MTUS2: variants seen among roughly 807,000 people sequenced by gnomAD.
The protein encoded by MTUS2 is microtubule associated scaffold protein 2, also known as microtubule-associated tumor suppressor candidate 2.
In MTUS2, 40 loss-of-function variants were observed where a neutral mutation model predicts 114.1. The observed-to-expected ratio is 0.35, with a 90% confidence interval of 0.27 to 0.46. The LOEUF (loss-of-function observed/expected upper bound fraction) is 0.46. Among genes scored for constraint, MTUS2 ranks in the 20% least tolerant of loss-of-function variants. MTUS2 has a pLI of 1.00. For synonymous variants in MTUS2, 688 were observed against 672.0 expected (o/e 1.02, Z -0.37); for missense variants, 1,679 against 1,705.4 (o/e 0.98, Z 0.27).
chr13:29,109,389 A>G (rs868062069), intron 5 of MTUS2, among the ~76,000 whole-genome samples: 1 of 152,176 alleles, frequency 6.6e-6, no homozygotes, highest in South Asian at 2.1e-4. Flanking sequence ...ATTAATAATC[A>G]ACCCCATGCT....
chr13:29,504,023 C>G lies in MTUS2; in HGVS notation c.*817C>G, dbSNP rs1423221546. On this transcript the variant is annotated 3_prime_UTR_variant, in exon 16 of 16. Coordinates refer to ENST00000612955, the MANE Select transcript of MTUS2 (RefSeq NM_001033602.4). ...CTCATCTCTGATAGTCTTGTAAACA[C>G]AAGTTTTGCTTTTTTCCTAAATGGC... 1 of 231,948 alleles carries G rather than the reference C, an allele frequency of 4.3e-6. No individual in the cohort carries two copies. The highest frequency in any genetic ancestry group is 2.2e-5 in the African/African-American group (1 of 45,236). The allele number at this position is 231,948 out of a possible 1,614,324, so 14.4% of individuals were successfully genotyped here. A position where few individuals can be genotyped will look rare whatever the true frequency, so the allele number is the denominator to read the frequency against.
chr13:28,855,506 T>C (rs1383434647), intron 2 of MTUS2, among the ~76,000 whole-genome samples: 1 of 152,146 alleles, frequency 6.6e-6, no homozygotes, highest in Non-Finnish European at 1.5e-5. Context: ...CTCCCACTTA[T>C]AAGTGAGAAC....
At chr13:28,854,033 G>A (rs1249922177) in intron 2 of MTUS2, among the ~76,000 whole-genome samples, 1 of 152,150 alleles carries the variant, frequency 6.6e-6, no homozygotes, top group Non-Finnish European at 1.5e-5. Context: ...CTTACAGTTA[G>A]GGGTGTCCAC....
At chr13:29,147,121 TCATTCTAAGCCA>T (rs1367643661) in intron 5 of MTUS2, among the ~76,000 whole-genome samples, 1 of 152,204 alleles carries the variant, frequency 6.6e-6, no homozygotes, top group East Asian at 1.9e-4. Flanking sequence ...ATTACTCAGT[TCATTCTAAGCCA>T]CATTTTTTTT....
chr13:29,451,313 A>G (rs1945850494), intron 9 of MTUS2, among the ~76,000 whole-genome samples: 1 of 152,262 alleles, frequency 6.6e-6, no homozygotes, highest in Non-Finnish European at 1.5e-5. Flanking sequence ...ACATTTGGAA[A>G]TTAAACAACA....
intron 2 of MTUS2, among the ~76,000 whole-genome samples, chr13:28,901,760 A>G (rs1879658649): frequency 6.6e-6 from 1 of 152,160 alleles, no homozygotes; most frequent in Non-Finnish European, 1.5e-5. Context: ...TGATTACTGT[A>G]GCAATAAAGT....
chr13:29,210,422 C>T (rs1006613502), intron 5 of MTUS2, among the ~76,000 whole-genome samples: 21 of 152,014 alleles, frequency 1.4e-4, no homozygotes, highest in African/African-American at 5.1e-4. Flanking sequence ...AATTATTTTT[C>T]TGGCCATTCA....
intron 2 of MTUS2, among the ~76,000 whole-genome samples, chr13:29,018,782 C>T (rs1886171991): frequency 7.3e-6 from 1 of 136,640 alleles, no homozygotes; most frequent in Non-Finnish European, 1.6e-5. Flanking sequence ...CCGCCCCCGC[C>T]CCCTGCAAAA....
At chr13:29,061,638 A>C (rs138154084) in intron 4 of MTUS2, among the ~76,000 whole-genome samples, 627 of 152,262 alleles carry the variant, frequency 4.1e-3, no homozygotes, top group Non-Finnish European at 7.5e-3. Flanking sequence ...GACAGCTTCT[A>C]TTTGAGTTTC....
intron 2 of MTUS2, among the ~76,000 whole-genome samples, chr13:28,930,096 A>T (rs1881533869): frequency 6.6e-6 from 1 of 151,916 alleles, no homozygotes; most frequent in South Asian, 2.1e-4. Context: ...TTATGTGATA[A>T]CTTTTTCAAG....
chr13:29,456,246 T>C (rs1368903590), intron 9 of MTUS2, among the ~76,000 whole-genome samples: 1 of 152,024 alleles, frequency 6.6e-6, no homozygotes, highest in Non-Finnish European at 1.5e-5. Flanking sequence ...TTTAAGCAGA[T>C]TGGAGACTGC....
intron 5 of MTUS2, among the ~76,000 whole-genome samples, chr13:29,165,577 A>G (rs896188109): frequency 6.6e-6 from 1 of 152,214 alleles, no homozygotes; most frequent in Non-Finnish European, 1.5e-5. Flanking sequence ...TCCTTCTTTA[A>G]TGGCTAATTT....
chr13:29,035,848 G>T (rs1887035889), intron 4 of MTUS2, among the ~76,000 whole-genome samples: 1 of 151,938 alleles, frequency 6.6e-6, no homozygotes, highest in African/African-American at 2.4e-5. Context: ...CAAAGAAAAA[G>T]AAAAAGAAAA....
At chr13:29,104,715 A>G in intron 5 of MTUS2, among the ~76,000 whole-genome samples, 1 of 152,222 alleles carries the variant, frequency 6.6e-6, no homozygotes, top group East Asian at 1.9e-4. Flanking sequence ...CATGAAGATT[A>G]CAAGGTTGGC....
At chr13:29,060,954 C>T (rs918887191) in intron 4 of MTUS2, among the ~76,000 whole-genome samples, 1 of 151,954 alleles carries the variant, frequency 6.6e-6, no homozygotes, top group Non-Finnish European at 1.5e-5. Context: ...GTGCCCGCCA[C>T]CACGCCTGGC....
intron 5 of MTUS2, among the ~76,000 whole-genome samples, chr13:29,207,579 T>A (rs1018622278): frequency 6.6e-6 from 1 of 152,190 alleles, no homozygotes; most frequent in African/African-American, 2.4e-5. Flanking sequence ...ATGGCTTTTA[T>A]TAACTTAAAG....
chr13:29,084,787 C>CA (rs1317548349), intron 4 of MTUS2, among the ~76,000 whole-genome samples: 2 of 112,262 alleles, frequency 1.8e-5, no homozygotes, highest in African/African-American at 3.8e-5. Flanking sequence ...ATCCACCCCC[C>CA]CCCCTCACCG....
rs1566174201 is a variant in MTUS2 at position 29,389,765 on chromosome 13, G to GTGTA, written c.3117+30293_3117+30294insGTAT. Among the ~76,000 whole-genome samples the GTGTA allele has an allele frequency of 1.8e-3, 10 of 5,466 alleles. 1 individual carries two copies. The highest frequency in any genetic ancestry group is 4.5e-3 in the African/African-American group (10 of 2,230). The allele number at this position is 5,466 out of a possible 152,430, so 3.6% of individuals were successfully genotyped here. On this transcript the variant is annotated intron_variant, in intron 8 of 15. Transcript: ENST00000612955. ...TATATACATACATATGTGTGTATAT[G>GTGTA]TATATACATACATATGTGTGTATAT...
At chr13:29,422,572 T>C (rs942760233) in intron 8 of MTUS2, among the ~76,000 whole-genome samples, 1 of 151,188 alleles carries the variant, frequency 6.6e-6, no homozygotes, top group African/African-American at 2.4e-5. Flanking sequence ...GGAGTAAAAA[T>C]CACCGCAAAC....
Sources: allele counts gnomAD v4.1 joint callset (sites outside exome capture counted in the v4.1 genomes callset), GRCh38; gene constraint gnomAD v4.1.1; transcripts MANE v1.5; gene names NCBI Gene and HGNC (gene_info 2026-07-23, HGNC 2026-07-21).